Variants in TALDO1 observed in about 807,000 individuals in gnomAD.
The protein encoded by TALDO1 is transaldolase 1.
Under a neutral mutation model 38.1 loss-of-function variants are expected in TALDO1, and 29 were observed. The observed-to-expected ratio is 0.76, with a 90% CI of 0.57 to 1.04. TALDO1 has a LOEUF of 1.04. Ranked by LOEUF, TALDO1 falls within the 50% of genes least tolerant of loss-of-function variation. TALDO1 has a pLI of 0.00. For missense variants in TALDO1, 499 were observed against 438.1 expected (o/e 1.14, Z -1.24); for synonymous variants, 207 against 176.8 (o/e 1.17, Z -1.36).
At chr11:750,871 G>A (rs1333757716) in intron 1 of TALDO1, among the ~76,000 whole-genome samples, 1 of 151,994 alleles carries the variant, frequency 6.6e-6, no homozygotes, top group Non-Finnish European at 1.5e-5. Context: ...TGGAGCAATG[G>A]GCCATTCTAT....
At chr11:753,595 G>A (rs575529579) in intron 1 of TALDO1, among the ~76,000 whole-genome samples, 64 of 151,766 alleles carry the variant, frequency 4.2e-4, no homozygotes, top group African/African-American at 1.4e-3. Context: ...GTGGTGGCTC[G>A]TGCCTGTAAT....
At chr11:756,068 C>T in intron 2 of TALDO1, 66 bp downstream of exon 2, 1 of 1,558,954 alleles carries the variant, frequency 6.4e-7, no homozygotes, top group Non-Finnish European at 8.7e-7. Context: ...CCTTGCTTCC[C>T]TCCCTAACTG....
chr11:755,966 T>C lies in TALDO1; in HGVS notation c.185T>C (p.Val62Ala), dbSNP rs769890641. Residue 62 changes from valine (V) to alanine (A), a missense_variant, in exon 2 of 8, where the codon GTG becomes GCG. Val to Ala is a moderately conservative substitution (Grantham distance 64, BLOSUM62 0). Transcript: ENST00000319006. ...CAGATGCCCGCTTACCAGGAGCTGGTGGAGGAGGCGATTGCCTATGGCCGG... is the reference window on the plus strand; with the variant it reads ...CAGATGCCCGCTTACCAGGAGCTGGCGGAGGAGGCGATTGCCTATGGCCGG... ...AAQMPAYQEL[V>A]EEAIAYGRKL... 3.7e-5 allele frequency: 59 copies of C among 1,613,720 alleles called. No homozygotes were observed. The highest frequency in any genetic ancestry group is 4.4e-5 in the Non-Finnish European group (52 of 1,179,932).
rs1352585275 is a variant in TALDO1, at chr11:750,964, C to T, written c.97+3386C>T. The stretch of plus-strand genomic sequence containing the variant: ...AAGACCCCAGGTTAAGCCTCGTTGG[C>T]TTCTTTGAATTCCTAGCTTGGTTAT... On this transcript the variant is annotated intron_variant, in intron 1 of 7. Transcript: ENST00000319006. Among the ~76,000 whole-genome samples, 7 of 152,188 alleles carry T rather than the reference C, an allele frequency of 4.6e-5. No homozygotes were observed. In the East Asian group the frequency reaches 1.3e-3, roughly 29 times the overall value.
At chr11:762,193 G>A (rs58412459) in intron 4 of TALDO1, among the ~76,000 whole-genome samples, 41,810 of 151,404 alleles carry the variant, frequency 0.28, 6,714 homozygotes, top group African/African-American at 0.45. Context: ...CAAACTCCCA[G>A]CCTCAGGTGA....
intron 6 of TALDO1, 131 bp downstream of exon 6, chr11:764,075 C>T: frequency 7.4e-7 from 1 of 1,353,368 alleles, no homozygotes; most frequent in Non-Finnish European, 1.0e-6. Flanking sequence ...TGAAGTAGAC[C>T]TCAACGGAGG....
At chr11:764,150 T>A in intron 6 of TALDO1, 138 bp from the exon 7 acceptor site, 2 of 1,515,746 alleles carry the variant, frequency 1.3e-6, no homozygotes, top group Non-Finnish European at 1.8e-6. Context: ...GAACCCCACT[T>A]CCAGCGTGAG....
chr11:751,145 C>A lies in TALDO1; in HGVS notation c.97+3567C>A, dbSNP rs114053627. On this transcript the variant is annotated intron_variant, in intron 1 of 7. Transcript: ENST00000319006. ...GTGGTGCAACACGGCTAACTGCAGC[C>A]TTGACCTCCTGGGCTGAGGTGATCC... Among the ~76,000 whole-genome samples the A allele has an allele frequency of 3.1e-3, 479 of 152,166 alleles. 1 individual carries two copies. The highest frequency in any genetic ancestry group is 0.011 in the African/African-American group (464 of 41,522).
At position 760,271 on chromosome 11, in the gene TALDO1, A is replaced by T. The variant is rs1383076551; in HGVS notation, c.461+18A>T. ...GCTGGAAAGTAAGTGGTCCCCCACA[A>T]GGAAGGAGCTCTCAGAGATTTTTCC... On this transcript the variant is annotated intron_variant, in intron 4 of 7. Transcript: ENST00000319006. 5 of 1,613,390 alleles carry T rather than the reference A, an allele frequency of 3.1e-6. No individual in the cohort carries two copies. The highest frequency in any genetic ancestry group is 4.2e-6 in the Non-Finnish European group (5 of 1,179,766).
At chr11:761,513 C>G (rs1016020221) in intron 4 of TALDO1, among the ~76,000 whole-genome samples, 4 of 152,138 alleles carry the variant, frequency 2.6e-5, no homozygotes, top group South Asian at 4.1e-4. Context: ...AAAACCAAAC[C>G]AAACATATGT....
intron 4 of TALDO1, 101 bp downstream of exon 4, chr11:760,354 A>C: frequency 1.3e-6 from 2 of 1,561,582 alleles, no homozygotes. Context: ...AGCCCTGGGG[A>C]ATGCCAGACT....
chr11:764,498 G>A, intron 7 of TALDO1, 65 bp downstream of exon 7: 3 of 1,581,598 alleles, frequency 1.9e-6, no homozygotes, highest in East Asian at 2.3e-5. Context: ...TGGGCGTCGG[G>A]GTTCAAGCTG....
chr11:759,912 A>C (rs904261163), intron 3 of TALDO1, among the ~76,000 whole-genome samples: 3 of 152,188 alleles, frequency 2.0e-5, no homozygotes, highest in Admixed American at 6.5e-5. Flanking sequence ...TAGCCTATGG[A>C]TCCCACTGAG....
intron 4 of TALDO1, among the ~76,000 whole-genome samples, chr11:762,106 C>T (rs561696030): frequency 1.3e-5 from 2 of 152,236 alleles, no homozygotes; most frequent in African/African-American, 4.8e-5. Context: ...GCTGGGATTA[C>T]AGGCAGGCGC....
At chr11:749,112 A>C (rs1337650299) in intron 1 of TALDO1, among the ~76,000 whole-genome samples, 1 of 152,160 alleles carries the variant, frequency 6.6e-6, no homozygotes, top group African/African-American at 2.4e-5. Flanking sequence ...TTGTTTTTTA[A>C]GAAAACTTCT....
chr11:756,013 G>A lies in TALDO1; in HGVS notation c.221+11G>A, dbSNP rs1198146752. The stretch of plus-strand genomic sequence containing the variant: ...CCGGAAGCTGGGCGGGTGAGTGCCT[G>A]GACTCGGGAGGGTCCCAGCTAGGCC... On this transcript the variant is annotated intron_variant, in intron 2 of 7. Coordinates refer to ENST00000319006, the MANE Select transcript of TALDO1 (RefSeq NM_006755.2). The A allele has an allele frequency of 6.2e-7, 1 of 1,611,296 alleles. No individual in the cohort carries two copies. The highest frequency in any genetic ancestry group is 1.1e-5 in the South Asian group (1 of 90,724).
chr11:751,538 A>C (rs1267138249), intron 1 of TALDO1, among the ~76,000 whole-genome samples: 1 of 152,150 alleles, frequency 6.6e-6, no homozygotes, highest in Non-Finnish European at 1.5e-5. Context: ...TTACGCCTGT[A>C]ATCACAGCAC....
At chr11:752,267 A>C (rs1862764068) in intron 1 of TALDO1, 1 of 146,730 alleles carries the variant, frequency 6.8e-6, no homozygotes. Flanking sequence ...TTTTTAGTAG[A>C]GATGGGGTTT....
chr11:759,747 T>C (rs1192064854), intron 3 of TALDO1, among the ~76,000 whole-genome samples: 1 of 152,084 alleles, frequency 6.6e-6, no homozygotes, highest in Non-Finnish European at 1.5e-5. Flanking sequence ...ACCCAGCTAA[T>C]TTTTTTGTAT....
Sources: gnomAD v4.1 joint callset for allele counts (sites outside exome capture counted in the v4.1 genomes callset) on GRCh38, gnomAD v4.1.1 for gene constraint, MANE v1.5 for transcripts, NCBI Gene and HGNC (gene_info 2026-07-23, HGNC 2026-07-21) for gene names.